TMEM232: variants seen among roughly 807,000 people sequenced by gnomAD.
The protein encoded by TMEM232 is transmembrane protein 232.
A neutral mutation model predicts 78.8 loss-of-function variants in TMEM232; 80 were observed. The observed-to-expected ratio is 1.01, with a 90% CI of 0.85 to 1.22. TMEM232 has a LOEUF of 1.22. TMEM232 is among the 50% of genes most tolerant of loss of function. The pLI, the probability that TMEM232 is intolerant of heterozygous loss-of-function variation, is 0.00. For synonymous variants in TMEM232, 297 were observed against 254.3 expected, an observed-to-expected ratio of 1.17 and a Z score of -1.60; for missense variants, 881 against 742.2, an observed-to-expected ratio of 1.19 and a Z score of -2.17.
intron 11 of TMEM232, among the ~76,000 whole-genome samples, chr5:110,530,859 G>A (rs1400695815): frequency 6.6e-6 from 1 of 152,088 alleles, no homozygotes; most frequent in Non-Finnish European, 1.5e-5. Context: ...GATGTTAAAT[G>A]TTCTCAAAAA....
intron 2 of TMEM232, among the ~76,000 whole-genome samples, chr5:110,401,938 T>G (rs565466231): frequency 3.8e-4 from 58 of 152,222 alleles, no homozygotes; most frequent in African/African-American, 1.3e-3. Context: ...TCCTCATGAT[T>G]TCTATTGTTT....
intron 1 of TMEM232, among the ~76,000 whole-genome samples, chr5:110,678,775 CA>C (rs1252124139): frequency 4.0e-5 from 6 of 150,984 alleles, no homozygotes; most frequent in African/African-American, 1.5e-4. Context: ...TTGAATTAAA[CA>C]CTATGTAGCC....
At chr5:110,611,422 G>C (rs1782256922) in intron 8 of TMEM232, among the ~76,000 whole-genome samples, 1 of 152,060 alleles carries the variant, frequency 6.6e-6, no homozygotes, top group South Asian at 2.1e-4. Flanking sequence ...TTGAGTTCCA[G>C]GGAAGCTGGT....
At chr5:110,676,333 T>G (rs1272466078) in intron 1 of TMEM232, among the ~76,000 whole-genome samples, 1 of 152,146 alleles carries the variant, frequency 6.6e-6, no homozygotes, top group African/African-American at 2.4e-5. Flanking sequence ...TCAATTTTTT[T>G]TTTAAGGAAC....
At chr5:110,621,024 C>A (rs7727226) in intron 7 of TMEM232, among the ~76,000 whole-genome samples, 13,604 of 150,772 alleles carry the variant, frequency 0.09, 636 homozygotes, top group Admixed American at 0.13. Flanking sequence ...CACCACACCT[C>A]GGTAATTTTT....
intron 12 of TMEM232, among the ~76,000 whole-genome samples, chr5:110,447,781 TAAAGAC>T (rs1759827870): frequency 6.6e-6 from 1 of 151,944 alleles, no homozygotes. Context: ...TAAAAGCAGT[TAAAGAC>T]AAACAGAAAA....
At chr5:110,625,082 A>G (rs772405889) in intron 7 of TMEM232, among the ~76,000 whole-genome samples, 185 bp downstream of exon 7, 4 of 151,986 alleles carry the variant, frequency 2.6e-5, no homozygotes, top group African/African-American at 4.8e-5. Flanking sequence ...TCATCCTATT[A>G]ACTACTCTCC....
At chr5:110,514,116 G>GCTCC (rs1281091543) in intron 12 of TMEM232, among the ~76,000 whole-genome samples, 1 of 152,058 alleles carries the variant, frequency 6.6e-6, no homozygotes, top group African/African-American at 2.4e-5. Context: ...TTTCTGTGCA[G>GCTCC]CTAACAACTG....
intron 12 of TMEM232, among the ~76,000 whole-genome samples, chr5:110,509,607 T>C (rs181061317): frequency 1.3e-5 from 2 of 152,214 alleles, no homozygotes; most frequent in African/African-American, 4.8e-5. Flanking sequence ...CTGTTGTATA[T>C]ACATAAATAT....
chr5:110,449,768 G>A (rs1239686372), intron 12 of TMEM232, among the ~76,000 whole-genome samples: 1 of 152,112 alleles, frequency 6.6e-6, no homozygotes, highest in Non-Finnish European at 1.5e-5. Context: ...CAAAGCAGAT[G>A]CATGCCTTCC....
intron 12 of TMEM232, among the ~76,000 whole-genome samples, chr5:110,519,304 A>C (rs149042784): frequency 0.013 from 1,910 of 152,308 alleles, 39 homozygotes; most frequent in African/African-American, 0.043. Flanking sequence ...TCTTGTCAAC[A>C]GCCATGGGAA....
At chr5:110,407,497 T>C (rs1208598051) in intron 2 of TMEM232, among the ~76,000 whole-genome samples, 2 of 152,178 alleles carry the variant, frequency 1.3e-5, no homozygotes, top group East Asian at 1.9e-4. Context: ...TAAATATTTA[T>C]GCACTCAACA....
At chr5:110,690,169 C>G (rs531299767) in intron 1 of TMEM232, among the ~76,000 whole-genome samples, 3 of 151,980 alleles carry the variant, frequency 2.0e-5, no homozygotes, top group African/African-American at 4.8e-5. Flanking sequence ...TTCTAGACAG[C>G]GAAAGAAAGT....
At chr5:110,585,497 C>T (rs1581313012) in intron 10 of TMEM232, among the ~76,000 whole-genome samples, 1 of 152,004 alleles carries the variant, frequency 6.6e-6, no homozygotes, top group South Asian at 2.1e-4. Context: ...CAGGTTTTCA[C>T]AATGTTTGTT....
chr5:110,682,628 G>T (rs1792893517), intron 1 of TMEM232, among the ~76,000 whole-genome samples: 1 of 152,070 alleles, frequency 6.6e-6, no homozygotes, highest in South Asian at 2.1e-4. Context: ...AATTATATCA[G>T]ATATGGTTTT....
intron 4 of TMEM232, 107 bp from the exon 5 acceptor site, chr5:110,638,462 A>G: frequency 9.1e-7 from 1 of 1,094,690 alleles, no homozygotes. Flanking sequence ...ACCAAATTGC[A>G]GTTTTAAAAT....
intron 1 of TMEM232, among the ~76,000 whole-genome samples, chr5:110,708,588 T>TG (rs1796170461): frequency 1.4e-4 from 1 of 6,994 alleles, no homozygotes; most frequent in Non-Finnish European, 2.3e-3. Context: ...TGGATGAAGT[T>TG]AAAAAGAGTT....
intron 12 of TMEM232, among the ~76,000 whole-genome samples, chr5:110,446,777 G>A (rs888298551): frequency 3.9e-5 from 6 of 152,116 alleles, no homozygotes; most frequent in African/African-American, 9.7e-5. Flanking sequence ...TAGGGACAAA[G>A]TCTGGAGAAT....
intron 12 of TMEM232, among the ~76,000 whole-genome samples, chr5:110,447,870 A>G (rs967830822): frequency 6.6e-6 from 1 of 152,102 alleles, no homozygotes; most frequent in Non-Finnish European, 1.5e-5. Flanking sequence ...AGGAAATTGT[A>G]AAGTGAAAAC....
Sources: allele counts gnomAD v4.1 joint callset (sites outside exome capture counted in the v4.1 genomes callset), GRCh38; gene constraint gnomAD v4.1.1; transcripts MANE v1.5; gene names NCBI Gene and HGNC (gene_info 2026-07-23, HGNC 2026-07-21).